ACLY: variants seen among roughly 807,000 people sequenced by gnomAD.
The protein encoded by ACLY is ATP citrate lyase, also known as ATP-citrate synthase.
In ACLY, 41 loss-of-function variants were observed where a neutral mutation model predicts 133.0. The ratio of observed to expected loss-of-function variants is 0.31; its 90% CI spans 0.24 to 0.40. The LOEUF is 0.40. ACLY is among the 10% of genes least tolerant of loss of function. ACLY has a pLI of 1.00. For synonymous variants in ACLY, 495 were observed against 549.3 expected (o/e 0.90, Z 1.38); for missense variants, 1,046 against 1,453.8 (o/e 0.72, Z 4.56).
chr17:41,891,248 C>T (rs1425426091), intron 16 of ACLY, among the ~76,000 whole-genome samples: 5 of 151,988 alleles, frequency 3.3e-5, no homozygotes, highest in African/African-American at 1.2e-4. Flanking sequence ...AAGTTGGTCT[C>T]GAACCCCTAG....
At chr17:41,868,235 G>A (rs1255284108) in intron 28 of ACLY, among the ~76,000 whole-genome samples, 2 of 151,924 alleles carry the variant, frequency 1.3e-5, no homozygotes, top group South Asian at 2.1e-4. Flanking sequence ...TTGGGAGATC[G>A]AGACCATCCT....
At chr17:41,904,988 C>T (rs2049667570) in intron 9 of ACLY, among the ~76,000 whole-genome samples, 198 bp from the exon 10 acceptor site, 1 of 152,112 alleles carries the variant, frequency 6.6e-6, no homozygotes, top group Non-Finnish European at 1.5e-5. Flanking sequence ...TGCCACCAGA[C>T]AGGGGTCAGA....
intron 22 of ACLY, among the ~76,000 whole-genome samples, chr17:41,876,257 C>A (rs1467090667): frequency 4.0e-5 from 6 of 150,106 alleles, no homozygotes; most frequent in African/African-American, 5.0e-5. Flanking sequence ...GTCAGCCCCC[C>A]GCCCGGCCAG....
chr17:41,898,077 G>A (rs1449104485), intron 12 of ACLY, among the ~76,000 whole-genome samples: 1 of 152,108 alleles, frequency 6.6e-6, no homozygotes. Flanking sequence ...TGCTCTCTCA[G>A]CAAAAAGTAA....
chr17:41,906,197 A>G (rs562729077), intron 8 of ACLY, among the ~76,000 whole-genome samples: 2 of 152,218 alleles, frequency 1.3e-5, no homozygotes, highest in African/African-American at 4.8e-5. Context: ...GTAACTTGCT[A>G]ACTGGGGTGA....
At chr17:41,882,239 C>T (rs1219408657) in intron 20 of ACLY, among the ~76,000 whole-genome samples, 7 of 151,474 alleles carry the variant, frequency 4.6e-5, no homozygotes, top group African/African-American at 7.3e-5. Flanking sequence ...TGGTGGCATG[C>T]GCCCATAATC....
chr17:41,921,191 G>T (rs1402872428), upstream of ACLY, among the ~76,000 whole-genome samples: 1 of 149,146 alleles, frequency 6.7e-6, no homozygotes, highest in East Asian at 2.0e-4. Flanking sequence ...TCAGCTACCT[G>T]GGAGGCTGAG....
chr17:41,883,059 G>C, intron 20 of ACLY, 63 bp downstream of exon 20: 1 of 1,320,138 alleles, frequency 7.6e-7, no homozygotes, highest in Admixed American at 1.9e-5. Flanking sequence ...TACCTGGTTC[G>C]CCTCAAATGC....
intron 28 of ACLY, 126 bp from the exon 29 acceptor site, chr17:41,868,030 C>T: frequency 1.7e-6 from 1 of 594,134 alleles, no homozygotes; most frequent in Non-Finnish European, 2.9e-6. Context: ...AAGTTTAGTC[C>T]AAATCCACTG....
chr17:41,875,432 C>T (rs2048714102), intron 22 of ACLY, among the ~76,000 whole-genome samples: 1 of 151,654 alleles, frequency 6.6e-6, no homozygotes, highest in South Asian at 2.1e-4. Flanking sequence ...CCCACGGTCT[C>T]CCTCTCCCTC....
At chr17:41,914,044 C>A (rs571778981) in intron 1 of ACLY, 148 bp from the exon 2 acceptor site, 12 of 733,320 alleles carry the variant, frequency 1.6e-5, no homozygotes, top group African/African-American at 3.6e-5. Context: ...GCTGTCCCAG[C>A]GGGAGGGATG....
chr17:41,900,975 T>C (rs1158913835), intron 11 of ACLY, among the ~76,000 whole-genome samples: 1 of 151,676 alleles, frequency 6.6e-6, no homozygotes, highest in Non-Finnish European at 1.5e-5. Context: ...TTTTTTTTGA[T>C]ACAGGGTCTC....
chr17:41,909,145 T>C, intron 5 of ACLY, 77 bp from the exon 6 acceptor site: 1 of 1,109,328 alleles, frequency 9.0e-7, no homozygotes. Flanking sequence ...CCCGCAGCAA[T>C]CTCTCACTGC....
chr17:41,883,226 C>A lies in ACLY; in HGVS notation c.2161G>T (p.Gly721Cys), dbSNP rs199569541. The change falls in exon 20 of 29, where the codon GGC becomes TGC. Residue 721 changes from glycine (G) to cysteine (C), a missense_variant. Physicochemically the swap from Gly to Cys is radical, Grantham distance 159. Around this residue, in one of 4 missense-constraint regions of ACLY, gnomAD observed 575 missense variants for 804.2 expected, o/e 0.71. Coordinates refer to ENST00000352035, the MANE Select transcript of ACLY (RefSeq NM_001096.3). Reference protein sequence around the residue: ...KMIVVLGEIGGTEEYKICRGI... With the variant: ...KMIVVLGEIGCTEEYKICRGI... ...CGGCAAATCTTATATTCCTCAGTGC[C>A]CCCAATCTGCCAAGGAATGGGGAAT... is the stretch of plus-strand genomic sequence containing the variant. 1.2e-6 allele frequency: 2 copies of A among 1,613,596 alleles called. No individual in the cohort carries two copies. Among genetic ancestry groups the A allele is most frequent in the East Asian group, 4.5e-5 (2 of 44,874 alleles).
At chr17:41,916,043 T>C (rs1429166438) in intron 1 of ACLY, among the ~76,000 whole-genome samples, 1 of 152,028 alleles carries the variant, frequency 6.6e-6, no homozygotes. Flanking sequence ...GGAGAAAAAA[T>C]GGACCCCTGC....
chr17:41,878,783 C>G lies in ACLY; in HGVS notation c.2393+14G>C. On this transcript the variant is annotated intron_variant, in intron 21 of 28. Coordinates refer to ENST00000352035, the MANE Select transcript of ACLY (RefSeq NM_001096.3). ...AGGAGGGGGAGGCCGGCATCCTCCC[C>G]AAGGTCCACTTACTGGATGATCTCT... 1 of 1,613,544 alleles carries G rather than the reference C, an allele frequency of 6.2e-7. No individual in the cohort carries two copies. Among genetic ancestry groups the G allele is most frequent in the Non-Finnish European group, 8.5e-7 (1 of 1,179,764 alleles).
rs1555628094 is a variant in ACLY, at chr17:41,886,157, C to T, written c.2027G>A (p.Arg676Gln). 14 of 1,613,972 alleles carry T rather than the reference C, an allele frequency of 8.7e-6. No homozygotes were observed. The highest frequency in any genetic ancestry group is 1.7e-5 in the Admixed American group (1 of 60,000). ...GCCCTCATAGACGCCATCCGTGGTC[C>T]GAGAGATGATATTGTTGAGCTCGTT... ...MSNELNNIIS[R>Q]TTDGVYEGVA... is the part of the protein sequence containing the mutation. The change falls in exon 18 of 29, where the codon CGG (arginine) becomes CAG (glutamine). Residue 676 changes from arginine to glutamine, a missense_variant. Physicochemically the swap from Arg to Gln is conservative, Grantham distance 43 (BLOSUM62 1). Around this residue, in one of 4 missense-constraint regions of ACLY, gnomAD observed 575 missense variants for 804.2 expected, o/e 0.71. Coordinates refer to ENST00000352035, the MANE Select transcript of ACLY (RefSeq NM_001096.3).
At chr17:41,897,694 C>T in intron 13 of ACLY, 55 bp downstream of exon 13, 1 of 1,516,142 alleles carries the variant, frequency 6.6e-7, no homozygotes. Flanking sequence ...GAGAGAGATA[C>T]AGAGGGTACC....
chr17:41,878,225 T>G (rs2048812940), intron 21 of ACLY, 29 bp from the exon 22 acceptor site: 5 of 1,499,600 alleles, frequency 3.3e-6, no homozygotes, highest in Non-Finnish European at 4.5e-6. Flanking sequence ...AAGACATCCA[T>G]GTGGATTTTC....
Sources: allele counts gnomAD v4.1 joint callset (sites outside exome capture counted in the v4.1 genomes callset), GRCh38; gene constraint gnomAD v4.1.1; regional missense constraint gnomAD v4.1.1; transcripts MANE v1.5; gene names NCBI Gene and HGNC (gene_info 2026-07-23, HGNC 2026-07-21).